The following ABLIM2 variants were observed in gnomAD, a reference collection of about 807,000 sequenced individuals.
The protein encoded by ABLIM2 is actin binding LIM protein family member 2.
In ABLIM2, 53 loss-of-function variants were observed where a neutral mutation model predicts 97.7. The ratio of observed to expected loss-of-function variants is 0.54; its 90% CI spans 0.44 to 0.68. The LOEUF is 0.68. ABLIM2 is among the 30% of genes least tolerant of loss of function. The pLI is 0.00. For missense variants in ABLIM2, 835 were observed against 867.2 expected, an observed-to-expected ratio of 0.96 and a Z score of 0.47; for synonymous variants, 361 against 345.8, an observed-to-expected ratio of 1.04 and a Z score of -0.49.
At chr4:8,106,781 G>A (rs1837658785) in intron 1 of ABLIM2, 144 bp from the exon 2 acceptor site, 50 of 1,041,286 alleles carry the variant, frequency 4.8e-5, no homozygotes, top group South Asian at 2.5e-4. Flanking sequence ...CATCGGGGTC[G>A]GTCTGTTGTC....
chr4:8,134,907 T>G (rs1849965991), intron 1 of ABLIM2, among the ~76,000 whole-genome samples: 1 of 152,252 alleles, frequency 6.6e-6, no homozygotes, highest in African/African-American at 2.4e-5. Context: ...GTGAGAATTT[T>G]CATCTCCACT....
At chr4:8,114,303 C>T (rs1007683105) in intron 1 of ABLIM2, among the ~76,000 whole-genome samples, 1 of 151,238 alleles carries the variant, frequency 6.6e-6, no homozygotes, top group Non-Finnish European at 1.5e-5. Flanking sequence ...CCAGCTCTGC[C>T]CTGGGGCACA....
Position 7,999,137 on chromosome 4 carries a change from C to A in ABLIM2, c.1619-6210G>T, listed in dbSNP as rs1474907130. Among the ~76,000 whole-genome samples, 1 of 152,142 alleles carries A rather than the reference C, an allele frequency of 6.6e-6. No homozygotes were observed. The highest frequency in any genetic ancestry group is 6.6e-5 in the Admixed American group (1 of 15,262). On this transcript the variant is annotated intron_variant, in intron 16 of 20. Transcript: ENST00000447017. The surrounding 1 kb of genome is among the most constrained non-coding windows in gnomAD (Gnocchi z 4.4). ...CTGGAGTACAATGGCGTGATCTTGG[C>A]TCACTGCAACCTCCTGGGTTCAAGC...
At chr4:8,158,451 G>C (rs1449229636) in intron 1 of ABLIM2, among the ~76,000 whole-genome samples, 3 of 152,114 alleles carry the variant, frequency 2.0e-5, no homozygotes, top group African/African-American at 7.2e-5. Flanking sequence ...GCCGGCCGGC[G>C]CGCTGGGAAA....
rs1305678456 is a variant in ABLIM2 at position 8,091,620 on chromosome 4, T to C, written c.339-3336A>G. 2.3e-3 allele frequency among the ~76,000 whole-genome samples: 148 copies of C among 63,792 alleles called. 27 individuals are homozygous for C. Among genetic ancestry groups the C allele is most frequent in the Non-Finnish European group, 3.4e-3 (129 of 38,022 alleles). 41.9% of individuals were successfully genotyped at this position (63,792 alleles called of 152,430 possible). ...TAATTATATATATTATGTATAATTT[T>C]ATATAAAATTATATATATAATTTTA... On this transcript the variant is annotated intron_variant, in intron 3 of 20. Coordinates refer to ENST00000447017, the MANE Select transcript of ABLIM2 (RefSeq NM_001130083.2).
intron 16 of ABLIM2, 191 bp downstream of exon 16, chr4:8,007,868 G>A (rs1439558173): frequency 4.3e-5 from 60 of 1,400,598 alleles, no homozygotes; most frequent in Non-Finnish European, 5.5e-5. Context: ...CTCGGGGACA[G>A]TTCTTGGGAA....
intron 20 of ABLIM2, among the ~76,000 whole-genome samples, chr4:7,974,945 G>A (rs936197424): frequency 6.6e-6 from 1 of 152,208 alleles, no homozygotes; most frequent in South Asian, 2.1e-4. Context: ...CAGGCTGGAC[G>A]CAGTGGCTCA....
chr4:8,053,014 A>G (rs949693985), intron 8 of ABLIM2, among the ~76,000 whole-genome samples: 10 of 152,330 alleles, frequency 6.6e-5, no homozygotes, highest in African/African-American at 2.4e-4. Flanking sequence ...CAGGTCCTGG[A>G]CCACCAGCCA....
chr4:8,107,043 C>G (rs1837803455), intron 1 of ABLIM2, among the ~76,000 whole-genome samples: 1 of 152,248 alleles, frequency 6.6e-6, no homozygotes, highest in African/African-American at 2.4e-5. Flanking sequence ...CAAGGCACCC[C>G]TCTGTGAGCT....
chr4:8,088,366 G>T, intron 3 of ABLIM2, 82 bp from the exon 4 acceptor site: 1 of 1,067,956 alleles, frequency 9.4e-7, no homozygotes, highest in East Asian at 2.6e-5. Flanking sequence ...CAGGAGACCA[G>T]GGCCAATGTC....
chr4:7,987,753 A>G (rs1745551885), intron 17 of ABLIM2, among the ~76,000 whole-genome samples: 1 of 152,066 alleles, frequency 6.6e-6, no homozygotes, highest in Non-Finnish European at 1.5e-5. Flanking sequence ...GAGAAGGGGG[A>G]ATACTTTTTA....
intron 3 of ABLIM2, among the ~76,000 whole-genome samples, chr4:8,089,376 G>C (rs1326725356): frequency 6.6e-6 from 1 of 152,184 alleles, no homozygotes; most frequent in African/African-American, 2.4e-5. Context: ...ATCTGAGCCT[G>C]GCCAGAGAAC....
At chr4:8,131,469 C>A (rs376832405) in intron 1 of ABLIM2, among the ~76,000 whole-genome samples, 4 of 152,288 alleles carry the variant, frequency 2.6e-5, no homozygotes, top group African/African-American at 2.4e-5. Flanking sequence ...GGGACCGGGA[C>A]GAGAACTATG....
intron 6 of ABLIM2, among the ~76,000 whole-genome samples, chr4:8,064,511 C>G (rs1035828012): frequency 1.3e-5 from 2 of 152,246 alleles, no homozygotes; most frequent in African/African-American, 4.8e-5. Flanking sequence ...CCCCTTCACG[C>G]TGGACTTCAC....
intron 9 of ABLIM2, among the ~76,000 whole-genome samples, chr4:8,042,476 T>G (rs1361991791): frequency 6.6e-6 from 1 of 152,204 alleles, no homozygotes; most frequent in Non-Finnish European, 1.5e-5. Context: ...CCACTCAGTC[T>G]GTTCCCATCA....
Position 8,029,747 on chromosome 4 carries a change from C to T in ABLIM2, c.1077G>A (p.Gln359=), listed in dbSNP as rs371414088. 6.4e-7 allele frequency: 1 copy of T among 1,565,322 alleles called. No homozygotes were observed. The highest frequency in any genetic ancestry group is 8.7e-7 in the Non-Finnish European group (1 of 1,155,268). Residue 359 remains glutamine, a synonymous_variant, in exon 11 of 21, where the codon CAG becomes CAA. Coordinates refer to ENST00000447017, the MANE Select transcript of ABLIM2 (RefSeq NM_001130083.2). ...TGGAGCTTGGGCTGGAGGTCCGACA[C>T]TGCTTGTAGGACCGGTCATCCTGAT... ...EGDQDDRSYK[Q]CRTSSPSSTG...
chr4:8,027,061 C>T (rs537269239), intron 12 of ABLIM2, among the ~76,000 whole-genome samples: 14 of 152,124 alleles, frequency 9.2e-5, no homozygotes, highest in Non-Finnish European at 1.9e-4. Context: ...ATAAAGATGT[C>T]AGTACTATGG....
chr4:8,086,263 C>G (rs1011716168), intron 4 of ABLIM2, among the ~76,000 whole-genome samples: 22 of 134,998 alleles, frequency 1.6e-4, no homozygotes, highest in Admixed American at 1.1e-3. Context: ...GCCTTTCTGC[C>G]AAGGGTATTT....
At chr4:8,115,763 G>A (rs1445094649) in intron 1 of ABLIM2, among the ~76,000 whole-genome samples, 2 of 152,170 alleles carry the variant, frequency 1.3e-5, no homozygotes, top group Admixed American at 6.5e-5. Context: ...CCCTCACCTT[G>A]AACCTGGGTG....
Sources: allele counts gnomAD v4.1 joint callset (sites outside exome capture counted in the v4.1 genomes callset), GRCh38; gene constraint gnomAD v4.1.1; non-coding constraint Gnocchi (gnomAD v3.1); transcripts MANE v1.5; gene names NCBI Gene and HGNC (gene_info 2026-07-23, HGNC 2026-07-21).